EXOC6B: variants seen among roughly 807,000 people sequenced by gnomAD.
EXOC6B encodes the protein exocyst complex component 6B, also known as SEC15 homolog B.
Under a neutral mutation model 113.5 loss-of-function variants are expected in EXOC6B, and 54 were observed. The ratio of observed to expected loss-of-function variants is 0.48; its 90% confidence interval spans 0.38 to 0.60. EXOC6B has a LOEUF of 0.60. EXOC6B is among the 20% of genes least tolerant of loss of function. The pLI, the probability that EXOC6B is intolerant of heterozygous loss-of-function variation, is 0.00. For missense variants in EXOC6B, 797 were observed against 977.5 expected, an observed-to-expected ratio of 0.82 and a Z score of 2.46; for synonymous variants, 357 against 339.0, an observed-to-expected ratio of 1.05 and a Z score of -0.58.
At chr2:72,782,347 T>G (rs1330096994) in intron 1 of EXOC6B, among the ~76,000 whole-genome samples, 1 of 152,152 alleles carries the variant, frequency 6.6e-6, no homozygotes, top group Non-Finnish European at 1.5e-5. Flanking sequence ...CATCTCATAA[T>G]TTCTTTTTGG....
intron 19 of EXOC6B, 196 bp from the exon 20 acceptor site, chr2:72,335,216 C>T (rs1261813340): frequency 1.8e-6 from 1 of 569,512 alleles, no homozygotes; most frequent in African/African-American, 1.9e-5. Context: ...ATTCCAGCAT[C>T]CTGACAGCAA....
At chr2:72,556,529 T>C (rs558030405) in intron 8 of EXOC6B, among the ~76,000 whole-genome samples, 1 of 152,236 alleles carries the variant, frequency 6.6e-6, no homozygotes, top group Non-Finnish European at 1.5e-5. Context: ...ATGGCTAGTA[T>C]AATTGCTTAC....
chr2:72,648,912 G>A (rs1673949318), intron 6 of EXOC6B, among the ~76,000 whole-genome samples: 1 of 152,186 alleles, frequency 6.6e-6, no homozygotes, highest in East Asian at 1.9e-4. Context: ...GGGAGGCCGA[G>A]GCAGGAGGAT....
At chr2:72,781,542 T>A (rs1684035251) in intron 1 of EXOC6B, among the ~76,000 whole-genome samples, 1 of 152,162 alleles carries the variant, frequency 6.6e-6, no homozygotes, top group Non-Finnish European at 1.5e-5. Flanking sequence ...ATTTTGCTGT[T>A]GTAGTGCAAA....
intron 6 of EXOC6B, among the ~76,000 whole-genome samples, chr2:72,642,706 A>G (rs980919230): frequency 1.3e-5 from 2 of 150,708 alleles, no homozygotes; most frequent in African/African-American, 5.0e-5. Flanking sequence ...AGGCATGGGC[A>G]AGGACTTCAT....
intron 18 of EXOC6B, among the ~76,000 whole-genome samples, chr2:72,419,941 T>C (rs1043285818): frequency 6.6e-5 from 10 of 152,294 alleles, no homozygotes; most frequent in Admixed American, 6.5e-4. Context: ...AATAGTCGGC[T>C]TGAAGGTGTC....
At chr2:72,484,885 A>G (rs188289882) in intron 16 of EXOC6B, among the ~76,000 whole-genome samples, 5 of 152,304 alleles carry the variant, frequency 3.3e-5, no homozygotes, top group Non-Finnish European at 4.4e-5. Flanking sequence ...TTGCTACTGT[A>G]AATAGTGCTG....
chr2:72,612,141 G>A (rs1260548180), intron 6 of EXOC6B, among the ~76,000 whole-genome samples: 2 of 152,018 alleles, frequency 1.3e-5, no homozygotes, highest in Non-Finnish European at 2.9e-5. Context: ...CAGGCGTGGA[G>A]GAGCACACCT....
intron 1 of EXOC6B, among the ~76,000 whole-genome samples, chr2:72,818,447 C>G (rs1226278490): frequency 6.6e-6 from 1 of 151,780 alleles, no homozygotes; most frequent in East Asian, 1.9e-4. Context: ...AGGCGTGAGC[C>G]ACCGTGCCAG....
chr2:72,672,976 A>T (rs1371095493), intron 6 of EXOC6B, among the ~76,000 whole-genome samples: 1 of 152,254 alleles, frequency 6.6e-6, no homozygotes, highest in Non-Finnish European at 1.5e-5. Flanking sequence ...TACATATTTA[A>T]GGTGATGGAT....
chr2:72,398,081 AG>A (rs1166861805), intron 18 of EXOC6B, among the ~76,000 whole-genome samples: 1 of 152,230 alleles, frequency 6.6e-6, no homozygotes, highest in African/African-American at 2.4e-5. Context: ...TCTTTGGATG[AG>A]ATTAACATTT....
chr2:72,562,151 T>C (rs1703924633), intron 7 of EXOC6B, among the ~76,000 whole-genome samples: 4 of 152,154 alleles, frequency 2.6e-5, no homozygotes, highest in African/African-American at 9.6e-5. Context: ...TGTTGCTTAG[T>C]GCGAGATGTG....
chr2:72,594,194 G>A (rs780364209), intron 6 of EXOC6B, among the ~76,000 whole-genome samples: 30 of 152,068 alleles, frequency 2.0e-4, no homozygotes, highest in Non-Finnish European at 3.4e-4. Context: ...TGTTGCCCGG[G>A]CTGCTCTCAA....
intron 1 of EXOC6B, among the ~76,000 whole-genome samples, chr2:72,799,761 T>G (rs939056255): frequency 6.6e-6 from 1 of 152,128 alleles, no homozygotes; most frequent in Admixed American, 6.5e-5. Flanking sequence ...GAATTCAAAG[T>G]TTCTCACTAT....
intron 6 of EXOC6B, among the ~76,000 whole-genome samples, chr2:72,704,246 G>T (rs1482487669): frequency 6.0e-5 from 9 of 150,792 alleles, no homozygotes; most frequent in Admixed American, 4.0e-4. Context: ...ATAACGAAAT[G>T]AAGGCACAAA....
chr2:72,814,370 T>C (rs1686099791), intron 1 of EXOC6B, among the ~76,000 whole-genome samples: 1 of 152,224 alleles, frequency 6.6e-6, no homozygotes, highest in Non-Finnish European at 1.5e-5. Flanking sequence ...TTTGCTTTTA[T>C]GTAATAATTA....
At position 72,260,432 on chromosome 2, in the gene EXOC6B, A is replaced by G. The variant is rs17007987; in HGVS notation, c.2196+74515T>C. ...TTGATTGTGCGAGGCAACAATTATG[A>G]GCAGAGTGTCATTAGCAAAACCTCT... On this transcript the variant is annotated intron_variant, in intron 20 of 21. Coordinates refer to ENST00000272427, the MANE Select transcript of EXOC6B (RefSeq NM_015189.3). Among the ~76,000 whole-genome samples, 1,401 of 152,334 alleles carry G rather than the reference A, an allele frequency of 9.2e-3. 21 individuals carry two copies. Among genetic ancestry groups the G allele is most frequent in the African/African-American group, 0.031 (1,300 of 41,570 alleles).
chr2:72,762,543 G>GA lies in EXOC6B; in HGVS notation c.114-21075dup, dbSNP rs879633004. ...GAAAGATACCTGTAAAGTGCTAAAG[G>GA]AAAAAAAAAAATTGTAAATCAAGAA... On this transcript the variant is annotated intron_variant, in intron 1 of 21. Coordinates refer to ENST00000272427, the MANE Select transcript of EXOC6B (RefSeq NM_015189.3). Among the ~76,000 whole-genome samples, 804 of 146,786 alleles carry GA rather than the reference G, an allele frequency of 5.5e-3. 4 individuals carry two copies. The highest frequency in any genetic ancestry group is 8.2e-3 in the South Asian group (38 of 4,650).
chr2:72,435,587 TC>T (rs1695804572), intron 18 of EXOC6B, among the ~76,000 whole-genome samples: 1 of 152,206 alleles, frequency 6.6e-6, no homozygotes, highest in Non-Finnish European at 1.5e-5. Flanking sequence ...ATCTGGGTGC[TC>T]CTGTATTGGG....
Sources: gnomAD v4.1 joint callset for allele counts (sites outside exome capture counted in the v4.1 genomes callset) on GRCh38, gnomAD v4.1.1 for gene constraint, MANE v1.5 for transcripts, NCBI Gene and HGNC (gene_info 2026-07-23, HGNC 2026-07-21) for gene names.